The following KDM4C variants were observed in gnomAD, a reference collection of about 807,000 sequenced individuals.
KDM4C encodes lysine-specific demethylase 4C.
A neutral mutation model predicts 129.3 loss-of-function variants in KDM4C; 81 were observed. That is an observed-to-expected ratio of 0.63 (90% CI 0.52 to 0.75). KDM4C has a LOEUF of 0.75. KDM4C is among the 30% of genes least tolerant of loss of function. The pLI, the probability that KDM4C is intolerant of heterozygous loss-of-function variation, is 0.00. For synonymous variants in KDM4C, 573 were observed against 456.1 expected (o/e 1.26, Z -3.26); for missense variants, 1,457 against 1,304.0 (o/e 1.12, Z -1.81).
chr9:6,791,798 G>A (rs188146299), intron 1 of KDM4C, among the ~76,000 whole-genome samples: 1 of 152,182 alleles, frequency 6.6e-6, no homozygotes, highest in East Asian at 1.9e-4. Flanking sequence ...CAAGGCGGGT[G>A]GATCACCTGA....
chr9:7,154,897 A>G (rs550964576), intron 19 of KDM4C, among the ~76,000 whole-genome samples: 1 of 152,290 alleles, frequency 6.6e-6, no homozygotes, highest in South Asian at 2.1e-4. Context: ...GCAAACAGCT[A>G]TTTATGTTAG....
At position 6,990,329 on chromosome 9, in the gene KDM4C, A is replaced by T. The variant is rs1818496038; in HGVS notation, c.1678-87A>T. The T allele has an allele frequency of 7.0e-6, 6 of 861,472 alleles. No individual in the cohort carries two copies. The East Asian group carries it at 1.6e-4, about 23-fold the overall frequency. The allele number at this position is 861,472 out of a possible 1,614,324, so 53.4% of individuals were successfully genotyped here. On this transcript the variant is annotated intron_variant, in intron 11 of 21. Transcript: ENST00000381309. ...CACAAGATTTCTTCAACATTAAGTGATAAATAATTGTGAACTGTAGGGTTT... is the reference window on the plus strand; with the variant it reads ...CACAAGATTTCTTCAACATTAAGTGTTAAATAATTGTGAACTGTAGGGTTT...
intron 5 of KDM4C, among the ~76,000 whole-genome samples, chr9:6,873,719 T>C (rs1343774654): frequency 6.6e-6 from 1 of 152,228 alleles, no homozygotes; most frequent in Non-Finnish European, 1.5e-5. Context: ...GTTTTTTGTT[T>C]TCTTATCATC....
intron 5 of KDM4C, among the ~76,000 whole-genome samples, chr9:6,850,805 A>G (rs1244938886): frequency 1.3e-4 from 20 of 151,996 alleles, no homozygotes. Flanking sequence ...CCCAGGCTGG[A>G]GTGCAGTGGT....
intron 5 of KDM4C, among the ~76,000 whole-genome samples, chr9:6,857,563 T>C (rs1359473781): frequency 1.3e-5 from 2 of 152,150 alleles, no homozygotes; most frequent in Non-Finnish European, 2.9e-5. Context: ...GGATATCTAG[T>C]GTTTGTGAGT....
chr9:6,985,375 G>A (rs1817507934), intron 10 of KDM4C, among the ~76,000 whole-genome samples: 1 of 152,236 alleles, frequency 6.6e-6, no homozygotes. Flanking sequence ...TGTGGATAGA[G>A]TTTAAACCAC....
chr9:7,002,588 G>C (rs1201142566), intron 12 of KDM4C, among the ~76,000 whole-genome samples: 1 of 152,166 alleles, frequency 6.6e-6, no homozygotes, highest in Non-Finnish European at 1.5e-5. Context: ...CATGTTGACA[G>C]CTAAGTTTCC....
At chr9:6,925,577 G>A (rs1367864168) in intron 8 of KDM4C, 12 of 985,182 alleles carry the variant, frequency 1.2e-5, no homozygotes, top group African/African-American at 5.2e-5. Flanking sequence ...ACAAGTGGGA[G>A]CCACCATGCC....
chr9:6,908,517 C>A lies in KDM4C; in HGVS notation c.921+15285C>A, dbSNP rs972798147. Among the ~76,000 whole-genome samples the A allele has an allele frequency of 3.3e-5, 5 of 152,056 alleles. No homozygotes were observed. In the South Asian group the frequency reaches 1.0e-3, roughly 32 times the overall value. ...GGGCACAGGTGGGAACGGGCGTCCA[C>A]GGAAGGACCCCACCTGGCCCAACAT... On this transcript the variant is annotated intron_variant, in intron 8 of 21. Transcript: ENST00000381309.
At chr9:6,757,925 G>C (rs921544373), upstream of KDM4C, 2 of 985,426 alleles carry the variant, frequency 2.0e-6, no homozygotes, top group Non-Finnish European at 2.4e-6. Flanking sequence ...GACTCACCAA[G>C]TGCGGGCCCC....
At chr9:7,017,608 C>T (rs1006868635) in intron 15 of KDM4C, among the ~76,000 whole-genome samples, 2 of 152,140 alleles carry the variant, frequency 1.3e-5, no homozygotes, top group Non-Finnish European at 2.9e-5. Context: ...TAAAAATTGT[C>T]TTTCAAGAGG....
intron 8 of KDM4C, among the ~76,000 whole-genome samples, chr9:6,906,473 C>G (rs1239433098): frequency 3.3e-5 from 5 of 152,192 alleles, no homozygotes; most frequent in African/African-American, 7.2e-5. Context: ...ATGGTTTTGT[C>G]TCTGAGGCAA....
At chr9:7,114,111 A>T (rs985546265) in intron 18 of KDM4C, among the ~76,000 whole-genome samples, 1 of 152,050 alleles carries the variant, frequency 6.6e-6, no homozygotes, top group East Asian at 2.0e-4. Context: ...ATTTGATGTA[A>T]AACATATTCA....
chr9:7,124,253 C>T (rs1839803277), intron 18 of KDM4C, among the ~76,000 whole-genome samples: 1 of 152,162 alleles, frequency 6.6e-6, no homozygotes, highest in Admixed American at 6.5e-5. Flanking sequence ...CCAATTTTAA[C>T]AAAATATACA....
chr9:6,855,596 C>T (rs976905340), intron 5 of KDM4C, among the ~76,000 whole-genome samples: 82 of 151,968 alleles, frequency 5.4e-4, no homozygotes, highest in African/African-American at 2.0e-3. Flanking sequence ...CTGTCTCAGC[C>T]TTTCCCTTTA....
intron 17 of KDM4C, among the ~76,000 whole-genome samples, chr9:7,059,904 A>G (rs1831375954): frequency 2.0e-5 from 3 of 152,104 alleles, no homozygotes; most frequent in Admixed American, 1.3e-4. Flanking sequence ...TTTAATTTCT[A>G]ATGTAAAAAA....
chr9:6,990,567 G>A (rs75838495), intron 12 of KDM4C, 43 bp downstream of exon 12: 7 of 1,165,206 alleles, frequency 6.0e-6, no homozygotes, highest in Non-Finnish European at 7.3e-6. Flanking sequence ...TTTTTTTTTG[G>A]TGTGTAAAAC....
intron 12 of KDM4C, among the ~76,000 whole-genome samples, chr9:7,001,768 T>C (rs1820764325): frequency 6.6e-6 from 1 of 152,156 alleles, no homozygotes; most frequent in African/African-American, 2.4e-5. Flanking sequence ...CTTTTTCATG[T>C]AGATTGCATC....
At chr9:7,003,359 C>G (rs901473535) in intron 12 of KDM4C, among the ~76,000 whole-genome samples, 1 of 151,470 alleles carries the variant, frequency 6.6e-6, no homozygotes, top group African/African-American at 2.4e-5. Context: ...CTGTAAGAAA[C>G]TTCAGCCACG....
Sources: gnomAD v4.1 joint callset for allele counts (sites outside exome capture counted in the v4.1 genomes callset) on GRCh38, gnomAD v4.1.1 for gene constraint, MANE v1.5 for transcripts, NCBI Gene and HGNC (gene_info 2026-07-23, HGNC 2026-07-21) for gene names.